TMEM68: variants seen among roughly 807,000 people sequenced by gnomAD.
The protein encoded by TMEM68 is DGAT1/2-independent enzyme synthesizing storage lipids.
TMEM68 carries 25 observed loss-of-function variants against 36.9 expected under a neutral mutation model. The ratio of observed to expected loss-of-function variants is 0.68; its 90% CI spans 0.49 to 0.95. The LOEUF (loss-of-function observed/expected upper bound fraction) is 0.95. TMEM68 is among the 40% of genes least tolerant of loss of function. The probability of loss-of-function intolerance (pLI) is 0.00; values close to 1 mark genes in which losing one functional copy is unlikely to be tolerated. For missense variants in TMEM68, 333 were observed against 392.0 expected (o/e 0.85, Z 1.27); for synonymous variants, 131 against 124.4 (o/e 1.05, Z -0.35).
At chr8:55,756,493 T>C (rs1356327267) in intron 3 of TMEM68, 82 bp from the exon 4 acceptor site, 2 of 1,286,210 alleles carry the variant, frequency 1.6e-6, no homozygotes, top group African/African-American at 3.1e-5. Flanking sequence ...GCTCAGTCTT[T>C]TCTCACAAAA....
chr8:55,758,061 C>T (rs535395360), intron 3 of TMEM68, among the ~76,000 whole-genome samples: 4 of 152,192 alleles, frequency 2.6e-5, no homozygotes, highest in East Asian at 1.9e-4. Context: ...TAAGCAAAGG[C>T]GACCTTTTCC....
In TMEM68 at chr8:55,756,403, C is replaced by A; in HGVS notation, c.334G>T (p.Val112Phe). The part of the protein sequence containing the change: ...GHAAVWHGYE[V>F]HGMEKIPEDG... ...TCTGGTATTTTTTCCATTCCATGAA[C>A]TTCATAACCTGTTTGAATGACAAAA... Residue 112 changes from valine (V) to phenylalanine (F), a missense_variant, in exon 4 of 8, where the codon GTT becomes TTT. Transcript: ENST00000434581. 6.4e-7 allele frequency: 1 copy of A among 1,566,824 alleles called. No individual in the cohort carries two copies. The highest frequency in any genetic ancestry group is 8.6e-7 in the Non-Finnish European group (1 of 1,165,252).
chr8:55,753,427 G>GT (rs1418286877), intron 4 of TMEM68, among the ~76,000 whole-genome samples: 7 of 152,100 alleles, frequency 4.6e-5, no homozygotes, highest in African/African-American at 1.7e-4. Context: ...TGTTAAGATG[G>GT]TAAGATTATA....
At chr8:55,746,341 A>AAAAG (rs1810277452) in intron 5 of TMEM68, 1 of 150,216 alleles carries the variant, frequency 6.7e-6, no homozygotes, top group Non-Finnish European at 1.5e-5. Flanking sequence ...AAAAAAAAAA[A>AAAAG]GAATTCTCCA....
At chr8:55,744,027 A>G (rs1178471928) in intron 6 of TMEM68, among the ~76,000 whole-genome samples, 3 of 152,120 alleles carry the variant, frequency 2.0e-5, no homozygotes, top group African/African-American at 7.2e-5. Context: ...ATTGCAAAAC[A>G]AAGGCTAAAC....
chr8:55,771,464 A>T (rs1188735622), intron 1 of TMEM68, among the ~76,000 whole-genome samples: 1 of 150,674 alleles, frequency 6.6e-6, no homozygotes, highest in Non-Finnish European at 1.5e-5. Context: ...ACACACACAC[A>T]CAAAATTAGG....
Position 55,739,995 on chromosome 8 carries a change from T to C in TMEM68, c.*137A>G, listed in dbSNP as rs1255741539. On this transcript the variant is annotated 3_prime_UTR_variant, in exon 8 of 8. Transcript: ENST00000434581. Reference sequence around the variant, plus strand: ...AAATTGACTATTTTAAAGAAACGAATTCTGTGAAAGATGCTTATTAACATG... The same window carrying C: ...AAATTGACTATTTTAAAGAAACGAACTCTGTGAAAGATGCTTATTAACATG... 1.6e-6 allele frequency: 1 copy of C among 635,622 alleles called. No homozygotes were observed. Among genetic ancestry groups the C allele is most frequent in the Non-Finnish European group, 2.5e-6 (1 of 392,434 alleles). The allele number at this position is 635,622 out of a possible 1,614,324, so 39.4% of individuals were successfully genotyped here.
chr8:55,751,396 T>C lies in TMEM68; in HGVS notation c.494-239A>G, dbSNP rs1181179991. On this transcript the variant is annotated intron_variant, in intron 4 of 7. Transcript: ENST00000434581. The stretch of plus-strand genomic sequence containing the variant: ...CAAACAGGTATTCTTCTCCCCACTT[T>C]ACAAATGAGAAAACTTGGGCTTACA... 5 of 449,092 alleles carry C rather than the reference T, an allele frequency of 1.1e-5. No individual in the cohort carries two copies. In the Admixed American group the frequency reaches 2.1e-4, roughly 19 times the overall value. 27.8% of individuals were successfully genotyped at this position (449,092 alleles called of 1,614,324 possible).
chr8:55,759,292 C>G (rs967176658), intron 3 of TMEM68, among the ~76,000 whole-genome samples: 2 of 150,960 alleles, frequency 1.3e-5, no homozygotes, highest in South Asian at 4.2e-4. Flanking sequence ...AAATACAGTC[C>G]GGGCACAGTG....
rs1462334550 is a variant in TMEM68 at position 55,754,464 on chromosome 8, TATACACACAC to T, written c.493+1770_493+1779del. Among the ~76,000 whole-genome samples, 665 of 115,734 alleles carry T rather than the reference TATACACACAC, an allele frequency of 5.7e-3. 7 individuals carry two copies. Among genetic ancestry groups the T allele is most frequent in the African/African-American group, 0.024 (628 of 26,614 alleles). 75.9% of individuals were successfully genotyped at this position (115,734 alleles called of 152,430 possible). A position where few individuals can be genotyped will look rare whatever the true frequency, so the allele number is the denominator to read the frequency against. ...TCTCGAATATATATATATATATATA[TATACACACAC>T]ACACACACACACACACACATACATA... On this transcript the variant is annotated intron_variant, in intron 4 of 7. Coordinates refer to ENST00000434581, the MANE Select transcript of TMEM68 (RefSeq NM_001286657.2).
chr8:55,754,441 T>A (rs1810509022), intron 4 of TMEM68, among the ~76,000 whole-genome samples: 2 of 90,822 alleles, frequency 2.2e-5, no homozygotes, highest in South Asian at 3.7e-4. Context: ...AGACTCTGTC[T>A]CGAATATATA....
In TMEM68 at chr8:55,763,007, T is replaced by C. The variant is rs377381463; in HGVS notation, c.-48A>G. On this transcript the variant is annotated 5_prime_UTR_variant, in exon 3 of 8. An upstream start codon of the reference 5' UTR is lost. Coordinates refer to ENST00000434581, the MANE Select transcript of TMEM68 (RefSeq NM_001286657.2). The stretch of plus-strand genomic sequence containing the variant: ...AATTCAGTTTCTTTCTTCATTGCCA[T>C]AGCAGGTCGCTAATTTTGACACTAG... 6.5e-6 allele frequency: 10 copies of C among 1,529,602 alleles called. No individual in the cohort carries two copies. Among genetic ancestry groups the C allele is most frequent in the African/African-American group, 4.2e-5 (3 of 71,936 alleles). The allele number at this position is 1,529,602 out of a possible 1,614,324, so 94.8% of individuals were successfully genotyped here.
intron 6 of TMEM68, 105 bp from the exon 7 acceptor site, chr8:55,743,725 G>T: frequency 9.6e-7 from 1 of 1,042,706 alleles, no homozygotes; most frequent in Non-Finnish European, 1.3e-6. Flanking sequence ...GTGGCAAAAA[G>T]TATCACTTCT....
Position 55,756,395 on chromosome 8 carries a change from T to C in TMEM68, c.342A>G (p.Gly114=). The change falls in exon 4 of 8, where the codon GGA becomes GGG. Residue 114 remains glycine (G), a synonymous_variant. Coordinates refer to ENST00000434581, the MANE Select transcript of TMEM68 (RefSeq NM_001286657.2). ...GTCCATCTTCTGGTATTTTTTCCAT[T>C]CCATGAACTTCATAACCTGTTTGAA... is the stretch of plus-strand genomic sequence containing the variant. The part of the protein sequence containing the change: ...AAVWHGYEVH[G]MEKIPEDGPA... 1 of 1,581,460 alleles carries C rather than the reference T, an allele frequency of 6.3e-7. No homozygotes were observed. Among genetic ancestry groups the C allele is most frequent in the Non-Finnish European group, 8.5e-7 (1 of 1,170,342 alleles).
chr8:55,752,786 A>T (rs1174969788), intron 4 of TMEM68, among the ~76,000 whole-genome samples: 1 of 145,870 alleles, frequency 6.9e-6, no homozygotes, highest in East Asian at 2.1e-4. Flanking sequence ...ATGCAGGGGC[A>T]CAATAGTAGC....
intron 5 of TMEM68, 184 bp from the exon 6 acceptor site, chr8:55,745,305 T>C (rs1810238280): frequency 5.7e-6 from 2 of 353,498 alleles, no homozygotes; most frequent in Non-Finnish European, 5.1e-6. Flanking sequence ...CTCGTTAGTA[T>C]TGGCATGGGA....
At chr8:55,754,444 A>AATATATATAT (rs769626273) in intron 4 of TMEM68, among the ~76,000 whole-genome samples, 17 of 101,140 alleles carry the variant, frequency 1.7e-4, no homozygotes, top group East Asian at 2.9e-4. Context: ...CTCTGTCTCG[A>AATATATATAT]ATATATATAT....
In TMEM68 at chr8:55,762,627, T is replaced by C; in HGVS notation, c.325+8A>G. The C allele has an allele frequency of 1.9e-6, 3 of 1,614,190 alleles. No individual in the cohort carries two copies. Among genetic ancestry groups the C allele is most frequent in the Non-Finnish European group, 1.7e-6 (2 of 1,180,026 alleles). Reference sequence around the variant, plus strand: ...TGGCAACACAAAGGTGAAAGTATCCTTGCTTACCATGCCAAACGGCTGCAT... The same window carrying C: ...TGGCAACACAAAGGTGAAAGTATCCCTGCTTACCATGCCAAACGGCTGCAT... On this transcript the variant is annotated splice_region_variant and intron_variant, in intron 3 of 7. Coordinates refer to ENST00000434581, the MANE Select transcript of TMEM68 (RefSeq NM_001286657.2).
At chr8:55,743,738 G>T in intron 6 of TMEM68, 118 bp from the exon 7 acceptor site, 1 of 836,190 alleles carries the variant, frequency 1.2e-6, no homozygotes, top group Non-Finnish European at 1.7e-6. Context: ...TCACTTCTTG[G>T]CAATTAATAC....
Sources: allele counts gnomAD v4.1 joint callset (sites outside exome capture counted in the v4.1 genomes callset), GRCh38; gene constraint gnomAD v4.1.1; transcripts MANE v1.5; gene names NCBI Gene and HGNC (gene_info 2026-07-23, HGNC 2026-07-21).